FCHSD2: variants seen among roughly 807,000 people sequenced by gnomAD.
FCHSD2 encodes the protein FCH and double SH3 domains 2.
In FCHSD2, 38 loss-of-function variants were observed where a neutral mutation model predicts 108.1. That is an observed-to-expected ratio of 0.35 (90% CI 0.27 to 0.46). The LOEUF is 0.46. Among genes scored for constraint, FCHSD2 ranks in the 20% least tolerant of loss-of-function variants. FCHSD2 has a pLI of 1.00. For synonymous variants in FCHSD2, 279 were observed against 314.7 expected (o/e 0.89, Z 1.20); for missense variants, 751 against 897.8 (o/e 0.84, Z 2.09).
chr11:72,866,276 T>G lies in FCHSD2; in HGVS notation c.1308+1589A>C, dbSNP rs192191951. 4.9e-3 allele frequency among the ~76,000 whole-genome samples: 747 copies of G among 151,778 alleles called. 4 individuals carry two copies. Among genetic ancestry groups the G allele is most frequent in the African/African-American group, 0.017 (709 of 41,414 alleles). ...TCTGTTTTTTGTTTTGTTTTGTTTT[T>G]TTTGTTTTTTGAGACAGAGTTTCAC... On this transcript the variant is annotated intron_variant, in intron 13 of 19. Coordinates refer to ENST00000409418, the MANE Select transcript of FCHSD2 (RefSeq NM_014824.3).
chr11:72,904,081 C>G (rs181414633), intron 9 of FCHSD2, among the ~76,000 whole-genome samples: 1 of 152,064 alleles, frequency 6.6e-6, no homozygotes, highest in Non-Finnish European at 1.5e-5. Flanking sequence ...GTAAAGGGTA[C>G]GAGAAGAGAA....
chr11:72,879,087 T>C (rs2135228784), intron 12 of FCHSD2, among the ~76,000 whole-genome samples: 1 of 151,956 alleles, frequency 6.6e-6, no homozygotes, highest in East Asian at 1.9e-4. Context: ...CTCAAGCCTG[T>C]GCGACAGAGT....
chr11:73,015,735 T>A (rs1451475092), intron 4 of FCHSD2, 74 bp downstream of exon 4: 5 of 826,564 alleles, frequency 6.0e-6, no homozygotes, highest in Non-Finnish European at 9.6e-6. Context: ...AACTAGAGTG[T>A]TACATTATCT....
intron 8 of FCHSD2, among the ~76,000 whole-genome samples, chr11:72,970,326 T>TA (rs1856985222): frequency 6.6e-6 from 1 of 152,122 alleles, no homozygotes; most frequent in Admixed American, 6.5e-5. Context: ...ATCCAGTGAG[T>TA]AAAAATACTT....
At chr11:72,873,102 G>A (rs1854896819) in intron 12 of FCHSD2, among the ~76,000 whole-genome samples, 1 of 152,132 alleles carries the variant, frequency 6.6e-6, no homozygotes, top group Non-Finnish European at 1.5e-5. Flanking sequence ...GGCTGAGGCG[G>A]GCAGATCACC....
intron 13 of FCHSD2, among the ~76,000 whole-genome samples, chr11:72,860,063 T>C (rs1012896184): frequency 1.1e-4 from 16 of 152,020 alleles, no homozygotes; most frequent in Admixed American, 9.8e-4. Context: ...ATAAGGAGGG[T>C]CCAACCTAGA....
At chr11:73,100,930 C>A (rs112402361) in intron 2 of FCHSD2, among the ~76,000 whole-genome samples, 61 of 151,970 alleles carry the variant, frequency 4.0e-4, no homozygotes, top group Middle Eastern at 3.4e-3. Flanking sequence ...GTCTGACAAC[C>A]CTTTTCTCAG....
At chr11:73,016,173 T>C (rs966517331) in intron 3 of FCHSD2, among the ~76,000 whole-genome samples, 1 of 151,764 alleles carries the variant, frequency 6.6e-6, no homozygotes, top group African/African-American at 2.4e-5. Flanking sequence ...TGTGGTAGCA[T>C]GCGCCTGTAG....
chr11:72,882,476 T>C (rs775745813), intron 12 of FCHSD2, among the ~76,000 whole-genome samples: 1 of 152,174 alleles, frequency 6.6e-6, no homozygotes, highest in Non-Finnish European at 1.5e-5. Context: ...GGATAAGTTC[T>C]GGTGTTTGAT....
chr11:72,886,601 G>A (rs1045574821), intron 12 of FCHSD2, among the ~76,000 whole-genome samples: 2 of 152,034 alleles, frequency 1.3e-5, no homozygotes, highest in Admixed American at 6.6e-5. Context: ...TTTTATAAAT[G>A]TCTACCTCCA....
At chr11:72,991,558 T>TA (rs1212369908) in intron 5 of FCHSD2, among the ~76,000 whole-genome samples, 1 of 152,076 alleles carries the variant, frequency 6.6e-6, no homozygotes, top group Non-Finnish European at 1.5e-5. Flanking sequence ...TGGTTCAACA[T>TA]ACGCTGATCA....
At chr11:73,023,373 C>A (rs1293125340) in intron 3 of FCHSD2, among the ~76,000 whole-genome samples, 1 of 151,974 alleles carries the variant, frequency 6.6e-6, no homozygotes, top group African/African-American at 2.4e-5. Flanking sequence ...TTAAAATGGG[C>A]AAAGGATCTG....
intron 3 of FCHSD2, among the ~76,000 whole-genome samples, chr11:73,074,356 AATATGTGCAAGC>A (rs922739080): frequency 4.6e-5 from 7 of 152,370 alleles, no homozygotes; most frequent in South Asian, 2.1e-4. Flanking sequence ...GCAAGTATAA[AATATGTGCAAGC>A]ATATGTGCAA....
intron 12 of FCHSD2, among the ~76,000 whole-genome samples, chr11:72,874,259 T>C (rs1039685159): frequency 1.7e-4 from 26 of 152,224 alleles, no homozygotes; most frequent in Non-Finnish European, 4.4e-5. Context: ...TGACAATAGC[T>C]CACTGCAGCC....
intron 12 of FCHSD2, among the ~76,000 whole-genome samples, chr11:72,878,502 A>T (rs1189848741): frequency 1.3e-5 from 2 of 152,216 alleles, no homozygotes; most frequent in Non-Finnish European, 2.9e-5. Flanking sequence ...GAAACAGCTA[A>T]TTCTAAGTCT....
intron 10 of FCHSD2, among the ~76,000 whole-genome samples, chr11:72,895,733 C>T (rs1855404268): frequency 6.6e-6 from 1 of 152,160 alleles, no homozygotes. Flanking sequence ...ACTACGAACA[C>T]TTAACTGTCA....
At chr11:73,087,696 C>T (rs1455262704) in intron 2 of FCHSD2, among the ~76,000 whole-genome samples, 1 of 148,638 alleles carries the variant, frequency 6.7e-6, no homozygotes, top group East Asian at 1.9e-4. Flanking sequence ...CAGAGCGAGG[C>T]TTTGTCTCAA....
intron 10 of FCHSD2, among the ~76,000 whole-genome samples, chr11:72,897,495 T>A (rs959324955): frequency 3.3e-5 from 5 of 152,180 alleles, no homozygotes; most frequent in African/African-American, 1.2e-4. Flanking sequence ...ACAGGTTATA[T>A]GCAAATATTA....
In FCHSD2 at chr11:73,011,928, A is replaced by C. The variant is rs187080392; in HGVS notation, c.242+3881T>G. 7.5e-4 allele frequency among the ~76,000 whole-genome samples: 114 copies of C among 152,182 alleles called. 1 individual carries two copies. Among genetic ancestry groups the C allele is most frequent in the Non-Finnish European group, 7.4e-5 (5 of 68,014 alleles). On this transcript the variant is annotated intron_variant, in intron 4 of 19. Coordinates refer to ENST00000409418, the MANE Select transcript of FCHSD2 (RefSeq NM_014824.3). Reference sequence around the variant, plus strand: ...CTAGTTTGGTTCTTCTTAGTGGAGGAGGTACGAAGTGCCCCTAGTCAGCCA... The same window carrying C: ...CTAGTTTGGTTCTTCTTAGTGGAGGCGGTACGAAGTGCCCCTAGTCAGCCA...
Sources: gnomAD v4.1 joint callset for allele counts (sites outside exome capture counted in the v4.1 genomes callset) on GRCh38, gnomAD v4.1.1 for gene constraint, MANE v1.5 for transcripts, NCBI Gene and HGNC (gene_info 2026-07-23, HGNC 2026-07-21) for gene names.